Variants in ITPR2 observed in about 807,000 individuals in gnomAD.
ITPR2 encodes inositol 1,4,5-trisphosphate receptor type 2, also known as inositol 1,4,5-trisphosphate-gated calcium channel ITPR2.
In ITPR2, 207 loss-of-function variants were observed where a neutral mutation model predicts 317.1. The observed-to-expected ratio is 0.65, with a 90% CI of 0.58 to 0.73. The LOEUF (loss-of-function observed/expected upper bound fraction) is 0.73, where lower values mean the gene tolerates loss of function less well. Among genes scored for constraint, ITPR2 ranks in the 30% least tolerant of loss-of-function variants. The probability of loss-of-function intolerance (pLI) is 0.00; values close to 1 mark genes in which losing one functional copy is unlikely to be tolerated. For synonymous variants in ITPR2, 1,156 were observed against 1,149.1 expected, an observed-to-expected ratio of 1.01 and a Z score of -0.12; for missense variants, 2,613 against 3,284.0, an observed-to-expected ratio of 0.80 and a Z score of 4.99.
chr12:26,582,051 T>C (rs1380307338), intron 32 of ITPR2, among the ~76,000 whole-genome samples: 1 of 152,064 alleles, frequency 6.6e-6, no homozygotes, highest in Non-Finnish European at 1.5e-5. Flanking sequence ...AAATCCAGGG[T>C]TATGAAAAGT....
intron 37 of ITPR2, among the ~76,000 whole-genome samples, chr12:26,503,082 G>A (rs117485246): frequency 0.018 from 2,711 of 151,914 alleles, 40 homozygotes; most frequent in South Asian, 0.039. Context: ...GTGACCTCCT[G>A]ACCCACAAAC....
chr12:26,712,634 TACACACAC>T (rs67872654), intron 8 of ITPR2, among the ~76,000 whole-genome samples: 3,460 of 149,010 alleles, frequency 0.023, 118 homozygotes, highest in African/African-American at 0.075. Flanking sequence ...TTGTCTCAAA[TACACACAC>T]ACACACACAC....
chr12:26,426,074 A>G (rs1318301800), intron 49 of ITPR2, among the ~76,000 whole-genome samples: 1 of 152,186 alleles, frequency 6.6e-6, no homozygotes, highest in Non-Finnish European at 1.5e-5. Flanking sequence ...GGATGGCAAG[A>G]ACCATTTCCT....
intron 1 of ITPR2, among the ~76,000 whole-genome samples, chr12:26,821,146 T>G (rs1194569819): frequency 6.6e-6 from 1 of 152,194 alleles, no homozygotes; most frequent in Non-Finnish European, 1.5e-5. Context: ...TATGTATATT[T>G]TATCGCAATT....
rs146193629 is a variant in ITPR2 at position 26,628,522 on chromosome 12, G to A, written c.2935-360C>T. Among the ~76,000 whole-genome samples the A allele has an allele frequency of 2.9e-3, 445 of 152,322 alleles. 2 individuals are homozygous for A. Among genetic ancestry groups the A allele is most frequent in the African/African-American group, 0.01 (421 of 41,580 alleles). On this transcript the variant is annotated intron_variant, in intron 22 of 56. Coordinates refer to ENST00000381340, the MANE Select transcript of ITPR2 (RefSeq NM_002223.4). ...TCTCTGGGAGGAGACTGTTGGAGGTGTGACCCTCATTCTTACACAGTAGGG... is the reference window on the plus strand; with the variant it reads ...TCTCTGGGAGGAGACTGTTGGAGGTATGACCCTCATTCTTACACAGTAGGG...
intron 14 of ITPR2, among the ~76,000 whole-genome samples, chr12:26,664,226 C>T (rs970623869): frequency 6.6e-6 from 1 of 152,118 alleles, no homozygotes; most frequent in Admixed American, 6.5e-5. Flanking sequence ...TTTCTATAAC[C>T]TTTCAAAATC....
At chr12:26,616,364 C>T (rs1946375426) in intron 26 of ITPR2, among the ~76,000 whole-genome samples, 1 of 152,034 alleles carries the variant, frequency 6.6e-6, no homozygotes, top group Non-Finnish European at 1.5e-5. Context: ...GTCTCGATCT[C>T]CTGACCTTGT....
intron 10 of ITPR2, among the ~76,000 whole-genome samples, chr12:26,693,874 G>A (rs1408545284): frequency 6.6e-6 from 1 of 152,166 alleles, no homozygotes; most frequent in Non-Finnish European, 1.5e-5. Flanking sequence ...GTTTCCATCT[G>A]TCTGATCTTA....
rs1214509612 is a variant in ITPR2, at chr12:26,335,781, G to A, written c.*3616C>T. 6.6e-6 allele frequency: 1 copy of A among 152,186 alleles called. No individual in the cohort carries two copies. Among genetic ancestry groups the A allele is most frequent in the Non-Finnish European group, 1.5e-5 (1 of 68,040 alleles). The allele number at this position is 152,186 out of a possible 1,614,324, so 9.4% of individuals were successfully genotyped here. On this transcript the variant is annotated 3_prime_UTR_variant, in exon 57 of 57. Transcript: ENST00000381340. ...CACGGCCTCCCCCATCCCTGCATTTGGTGTGCACCTCACAATTTCATGCAA... is the reference window on the plus strand; with the variant it reads ...CACGGCCTCCCCCATCCCTGCATTTAGTGTGCACCTCACAATTTCATGCAA...
intron 44 of ITPR2, among the ~76,000 whole-genome samples, chr12:26,476,332 A>G (rs1040024226): frequency 2.0e-5 from 3 of 152,190 alleles, no homozygotes; most frequent in Non-Finnish European, 4.4e-5. Flanking sequence ...TTGGAACCCA[A>G]TGCTTTTAAA....
intron 36 of ITPR2, 63 bp downstream of exon 36, chr12:26,556,170 G>T (rs182322277): frequency 4.5e-6 from 7 of 1,541,946 alleles, no homozygotes; most frequent in Middle Eastern, 1.7e-4. Context: ...AGTATAAAGC[G>T]GAAATGTTAG....
At chr12:26,798,365 G>A (rs191094343) in intron 1 of ITPR2, among the ~76,000 whole-genome samples, 23 of 152,266 alleles carry the variant, frequency 1.5e-4, no homozygotes, top group African/African-American at 4.1e-4. Context: ...CCTGTTTTGT[G>A]ACTAGAGTTG....
intron 8 of ITPR2, among the ~76,000 whole-genome samples, chr12:26,711,919 T>C (rs1427845553): frequency 6.6e-6 from 1 of 152,244 alleles, no homozygotes; most frequent in Non-Finnish European, 1.5e-5. Context: ...TTCTTAGCCC[T>C]TTCCATGCAT....
intron 52 of ITPR2, among the ~76,000 whole-genome samples, chr12:26,408,868 T>C (rs1940446081): frequency 6.6e-6 from 1 of 152,194 alleles, no homozygotes; most frequent in Admixed American, 6.5e-5. Flanking sequence ...ATAAAATATT[T>C]GTGTTAATAA....
chr12:26,647,742 G>A (rs1485789793), intron 21 of ITPR2, among the ~76,000 whole-genome samples: 2 of 152,176 alleles, frequency 1.3e-5, no homozygotes, highest in East Asian at 3.8e-4. Flanking sequence ...AAGTACATTT[G>A]TTTGAAAACA....
At chr12:26,491,733 G>A (rs1218017072) in intron 39 of ITPR2, among the ~76,000 whole-genome samples, 1 of 152,160 alleles carries the variant, frequency 6.6e-6, no homozygotes, top group Non-Finnish European at 1.5e-5. Flanking sequence ...AAGAGAGTAA[G>A]TAAGGGTGGA....
intron 55 of ITPR2, among the ~76,000 whole-genome samples, chr12:26,368,076 T>G (rs1200752286): frequency 6.6e-6 from 1 of 152,234 alleles, no homozygotes; most frequent in Non-Finnish European, 1.5e-5. Context: ...TGGGGACTAT[T>G]TAAATGAGCA....
chr12:26,569,446 C>A (rs1267079460), intron 34 of ITPR2, among the ~76,000 whole-genome samples: 1 of 151,054 alleles, frequency 6.6e-6, no homozygotes, highest in Non-Finnish European at 1.5e-5. Context: ...CCCAGCTACT[C>A]GGGAGACTGA....
At chr12:26,659,698 T>G (rs2136912036) in intron 15 of ITPR2, among the ~76,000 whole-genome samples, 2 of 152,338 alleles carry the variant, frequency 1.3e-5, no homozygotes, top group East Asian at 3.9e-4. Flanking sequence ...TTCATCAGTC[T>G]AACAGAGGCT....
Sources: allele counts gnomAD v4.1 joint callset (sites outside exome capture counted in the v4.1 genomes callset), GRCh38; gene constraint gnomAD v4.1.1; transcripts MANE v1.5; gene names NCBI Gene and HGNC (gene_info 2026-07-23, HGNC 2026-07-21).